Variants in RUNDC3B observed in about 807,000 individuals in gnomAD.
RUNDC3B encodes RUN domain containing 3B, also known as RUN domain-containing protein 3B.
A neutral mutation model predicts 58.4 loss-of-function variants in RUNDC3B; 33 were observed. The ratio of observed to expected loss-of-function variants is 0.56; its 90% CI spans 0.43 to 0.75. The LOEUF is 0.75. Ranked by LOEUF, RUNDC3B falls within the 30% of genes least tolerant of loss-of-function variation. The pLI is 0.00. For synonymous variants in RUNDC3B, 193 were observed against 195.2 expected (o/e 0.99, Z 0.10); for missense variants, 501 against 535.7 (o/e 0.94, Z 0.64).
chr7:87,731,790 G>A (rs567129602), intron 4 of RUNDC3B, among the ~76,000 whole-genome samples: 12 of 152,208 alleles, frequency 7.9e-5, no homozygotes, highest in Non-Finnish European at 1.5e-4. Flanking sequence ...TAGAGCTAAA[G>A]AGAGAGCTAG....
At chr7:87,724,954 TTAA>T (rs1351662365) in intron 4 of RUNDC3B, among the ~76,000 whole-genome samples, 17 of 152,028 alleles carry the variant, frequency 1.1e-4, no homozygotes, top group Non-Finnish European at 2.1e-4. Context: ...ATTTGAATTA[TTAA>T]TATTACAATA....
chr7:87,757,977 A>G (rs1425335238), intron 6 of RUNDC3B, among the ~76,000 whole-genome samples: 1 of 152,170 alleles, frequency 6.6e-6, no homozygotes, highest in Non-Finnish European at 1.5e-5. Flanking sequence ...GTAGACCTCA[A>G]TCTCTCACCA....
At chr7:87,744,917 G>C (rs1227563211) in intron 6 of RUNDC3B, among the ~76,000 whole-genome samples, 2 of 152,114 alleles carry the variant, frequency 1.3e-5, no homozygotes, top group African/African-American at 4.8e-5. Context: ...ATGCTTTTAA[G>C]TTTTTCTCAT....
chr7:87,732,228 A>G (rs1329636641), intron 4 of RUNDC3B, among the ~76,000 whole-genome samples: 5 of 152,158 alleles, frequency 3.3e-5, no homozygotes, highest in Non-Finnish European at 5.9e-5. Context: ...GAAACACAAC[A>G]TATCAAAACC....
intron 7 of RUNDC3B, among the ~76,000 whole-genome samples, chr7:87,771,172 C>CT (rs1433680853): frequency 2.0e-5 from 3 of 151,950 alleles, no homozygotes; most frequent in Non-Finnish European, 4.4e-5. Flanking sequence ...AAAACAAACT[C>CT]TATTATTTTA....
At chr7:87,822,312 G>T (rs1380916141) in intron 10 of RUNDC3B, among the ~76,000 whole-genome samples, 1 of 152,230 alleles carries the variant, frequency 6.6e-6, no homozygotes, top group Non-Finnish European at 1.5e-5. Context: ...GGCCATCAGA[G>T]AAATGCAAGT....
At chr7:87,629,704 G>T (rs1821004593) in intron 1 of RUNDC3B, among the ~76,000 whole-genome samples, 1 of 151,870 alleles carries the variant, frequency 6.6e-6, no homozygotes, top group Non-Finnish European at 1.5e-5. Context: ...GAGGCGGGCG[G>T]ATCACGAGGT....
At position 87,830,058 on chromosome 7, in the gene RUNDC3B, T is replaced by C; in HGVS notation, c.*28T>C. ...ATTTTTGTGTAAAAGCCAAAACTTTTTATGTTGTAAATGTTTAATTTACAT... is the reference window on the plus strand; with the variant it reads ...ATTTTTGTGTAAAAGCCAAAACTTTCTATGTTGTAAATGTTTAATTTACAT... On this transcript the variant is annotated 3_prime_UTR_variant, in exon 11 of 11. Transcript: ENST00000394654. 3 of 1,507,662 alleles carry C rather than the reference T, an allele frequency of 2.0e-6. No individual in the cohort carries two copies. The highest frequency in any genetic ancestry group is 2.7e-6 in the Non-Finnish European group (3 of 1,113,332). 93.4% of individuals were successfully genotyped at this position (1,507,662 alleles called of 1,614,324 possible).
At chr7:87,819,550 A>G (rs1454029997) in intron 10 of RUNDC3B, among the ~76,000 whole-genome samples, 1 of 152,238 alleles carries the variant, frequency 6.6e-6, no homozygotes, top group South Asian at 2.1e-4. Flanking sequence ...ATAGACATCT[A>G]CAGAACTCTC....
At chr7:87,718,551 G>A (rs1830692745) in intron 4 of RUNDC3B, among the ~76,000 whole-genome samples, 1 of 151,986 alleles carries the variant, frequency 6.6e-6, no homozygotes, top group South Asian at 2.1e-4. Context: ...TAGAAATCAG[G>A]TCTGCTATAT....
At chr7:87,772,227 A>T (rs1177310831) in intron 7 of RUNDC3B, among the ~76,000 whole-genome samples, 1 of 152,136 alleles carries the variant, frequency 6.6e-6, no homozygotes, top group Non-Finnish European at 1.5e-5. Flanking sequence ...TTTAATGTTT[A>T]ATAACAGCAA....
At chr7:87,804,915 C>A (rs1210384897) in intron 8 of RUNDC3B, among the ~76,000 whole-genome samples, 1 of 151,966 alleles carries the variant, frequency 6.6e-6, no homozygotes, top group African/African-American at 2.4e-5. Flanking sequence ...AATTGGATTA[C>A]CTTTGAGTAG....
At chr7:87,760,044 T>C (rs913372309) in intron 6 of RUNDC3B, among the ~76,000 whole-genome samples, 8 of 151,568 alleles carry the variant, frequency 5.3e-5, no homozygotes, top group African/African-American at 1.9e-4. Flanking sequence ...CAGTTTATAG[T>C]TGGGTTTTGT....
At chr7:87,708,075 G>T (rs1829766730) in intron 3 of RUNDC3B, among the ~76,000 whole-genome samples, 2 of 151,860 alleles carry the variant, frequency 1.3e-5, no homozygotes, top group African/African-American at 2.4e-5. Flanking sequence ...GCTGGAAATT[G>T]GTTACCAAAA....
chr7:87,756,923 A>G (rs959988911), intron 6 of RUNDC3B, among the ~76,000 whole-genome samples: 8 of 152,150 alleles, frequency 5.3e-5, no homozygotes, highest in Non-Finnish European at 1.0e-4. Context: ...TCCCCAGACC[A>G]TGACACTGAG....
chr7:87,694,021 G>A, intron 2 of RUNDC3B: 1 of 1,599,660 alleles, frequency 6.3e-7, no homozygotes, highest in Non-Finnish European at 8.5e-7. Flanking sequence ...TTGACTTTCG[G>A]GGGAGGGCTG....
intron 8 of RUNDC3B, among the ~76,000 whole-genome samples, chr7:87,793,513 G>A (rs1835640985): frequency 6.6e-6 from 1 of 151,946 alleles, no homozygotes; most frequent in African/African-American, 2.4e-5. Context: ...ATATAAGGAT[G>A]GTTCAACATA....
intron 6 of RUNDC3B, among the ~76,000 whole-genome samples, chr7:87,759,944 T>A (rs925021928): frequency 3.3e-5 from 5 of 152,090 alleles, no homozygotes; most frequent in Non-Finnish European, 5.9e-5. Context: ...ATTTAAAAAA[T>A]TTAAAAGTTC....
chr7:87,756,284 G>A (rs1833365940), intron 6 of RUNDC3B, among the ~76,000 whole-genome samples: 1 of 151,868 alleles, frequency 6.6e-6, no homozygotes, highest in Non-Finnish European at 1.5e-5. Context: ...TAGAACAAGT[G>A]CTTTAATCTT....
Sources: gnomAD v4.1 joint callset for allele counts (sites outside exome capture counted in the v4.1 genomes callset) on GRCh38, gnomAD v4.1.1 for gene constraint, MANE v1.5 for transcripts, NCBI Gene and HGNC (gene_info 2026-07-23, HGNC 2026-07-21) for gene names.